The following ARHGEF17 variants were observed in gnomAD, a reference collection of about 807,000 sequenced individuals.
ARHGEF17 encodes the protein Rho guanine nucleotide exchange factor 17.
A neutral mutation model predicts 174.0 loss-of-function variants in ARHGEF17; 80 were observed. That is an observed-to-expected ratio of 0.46 (90% CI 0.38 to 0.55). ARHGEF17 has a LOEUF of 0.55. ARHGEF17 is among the 20% of genes least tolerant of loss of function. The probability of loss-of-function intolerance (pLI) is 0.00; values close to 1 mark genes in which losing one functional copy is unlikely to be tolerated. For synonymous variants in ARHGEF17, 1,311 were observed against 1,189.1 expected, an observed-to-expected ratio of 1.10 and a Z score of -2.11; for missense variants, 2,886 against 2,839.7, an observed-to-expected ratio of 1.02 and a Z score of -0.37.
chr11:73,357,035 G>T lies in ARHGEF17; in HGVS notation c.3902G>T (p.Gly1301Val), dbSNP rs754131174. The change falls in exon 8 of 21, where the codon GGT becomes GTT. Residue 1301 changes from glycine (G) to valine (V), a missense_variant. Around this residue, in one of 4 missense-constraint regions of ARHGEF17, gnomAD observed 353 missense variants for 470.3 expected, o/e 0.75. Coordinates refer to ENST00000263674, the MANE Select transcript of ARHGEF17 (RefSeq NM_014786.4). ...QEMVIEVKAI[G>V]GKKDRSLFLF... Reference sequence around the variant, plus strand: ...CCTTGGGCTCCACAGAAGGCGATCGGTGGCAAGAAGGACCGGTCTCTCTTC... The same window carrying T: ...CCTTGGGCTCCACAGAAGGCGATCGTTGGCAAGAAGGACCGGTCTCTCTTC... 1.4e-5 allele frequency: 23 copies of T among 1,614,170 alleles called. No individual in the cohort carries two copies. In the South Asian group the frequency reaches 2.4e-4, roughly 17 times the overall value.
chr11:73,309,485 G>A lies in ARHGEF17; in HGVS notation c.847G>A (p.Gly283Ser), dbSNP rs1864767194. 6.5e-7 allele frequency: 1 copy of A among 1,547,154 alleles called. No individual in the cohort carries two copies. The highest frequency in any genetic ancestry group is 1.4e-5 in the African/African-American group (1 of 72,676). ...HSSGSDDDRD[G>S]EGGHRWGGRP... ...CTCGGGCAGTGACGACGACCGAGAC[G>A]GTGAGGGCGGCCACCGCTGGGGAGG... The change falls in exon 1 of 21, where the codon GGT becomes AGT. Residue 283 changes from glycine (G) to serine (S), a missense_variant. Gly to Ser is a moderately conservative substitution (Grantham distance 56). This residue lies in a region of ARHGEF17 where 1,728 missense variants were observed against 1,461.2 expected (regional missense o/e 1.18). Transcript: ENST00000263674.
chr11:73,347,033 A>C, intron 2 of ARHGEF17, 73 bp downstream of exon 2: 2 of 1,418,256 alleles, frequency 1.4e-6, no homozygotes, highest in Non-Finnish European at 2.0e-6. Flanking sequence ...GTGTGAGCAA[A>C]CCCCTTTCAT....
chr11:73,351,655 C>T (rs1257616561), intron 2 of ARHGEF17, among the ~76,000 whole-genome samples: 1 of 152,086 alleles, frequency 6.6e-6, no homozygotes, highest in Admixed American at 6.6e-5. Flanking sequence ...GATCTCGGCT[C>T]ACTGCCACCT....
chr11:73,319,768 G>A (rs866785673), intron 1 of ARHGEF17, among the ~76,000 whole-genome samples: 4 of 152,192 alleles, frequency 2.6e-5, no homozygotes, highest in Non-Finnish European at 5.9e-5. Flanking sequence ...ATCCCTCCTT[G>A]CCAGGAGCTT....
At chr11:73,318,369 G>A (rs1864962930) in intron 1 of ARHGEF17, among the ~76,000 whole-genome samples, 1 of 152,204 alleles carries the variant, frequency 6.6e-6, no homozygotes, top group African/African-American at 2.4e-5. Flanking sequence ...GGGCGTGGTG[G>A]CTCACCCCTG....
chr11:73,330,599 C>T (rs550459640), intron 1 of ARHGEF17, among the ~76,000 whole-genome samples: 7 of 152,214 alleles, frequency 4.6e-5, no homozygotes, highest in Non-Finnish European at 8.8e-5. Flanking sequence ...GAGGGATGAA[C>T]AGAAGGGCCT....
In ARHGEF17 at chr11:73,362,257, GGGTGGGC is replaced by G. The variant is rs759088616; in HGVS notation, c.4694+21_4694+27del. The G allele has an allele frequency of 1.7e-5, 26 of 1,500,762 alleles. No individual in the cohort carries two copies. Among genetic ancestry groups the G allele is most frequent in the Non-Finnish European group, 2.2e-5 (25 of 1,130,756 alleles). 93.0% of individuals were successfully genotyped at this position (1,500,762 alleles called of 1,614,324 possible). A position where few individuals can be genotyped will look rare whatever the true frequency, so the allele number is the denominator to read the frequency against. On this transcript the variant is annotated intron_variant, in intron 13 of 20. Transcript: ENST00000263674. ...TGCCACCGGTGAGGCCTGGGCGGCG[GGGTGGGC>G]GGCACCGCGGGCCTGGGAGAACCAA...
chr11:73,327,013 G>C (rs1263668348), intron 1 of ARHGEF17, among the ~76,000 whole-genome samples: 1 of 152,236 alleles, frequency 6.6e-6, no homozygotes, highest in Non-Finnish European at 1.5e-5. Flanking sequence ...AACCAGCCAG[G>C]CTCCCTGGGC....
At chr11:73,330,208 G>T (rs1865183735) in intron 1 of ARHGEF17, among the ~76,000 whole-genome samples, 1 of 152,046 alleles carries the variant, frequency 6.6e-6, no homozygotes, top group Non-Finnish European at 1.5e-5. Flanking sequence ...TTTTTTTCCT[G>T]ATTTGTCACT....
chr11:73,362,198 C>G lies in ARHGEF17; in HGVS notation c.4653C>G (p.Leu1551=), dbSNP rs1474755750. Reference sequence around the variant, plus strand: ...TCGCCGTCTGTTCCGCCCGCATCCTCTGCATCGGGGCGGTGCCCGGGCTGC... The same window carrying G: ...TCGCCGTCTGTTCCGCCCGCATCCTGTGCATCGGGGCGGTGCCCGGGCTGC... ...ACIAVCSARI[L]CIGAVPGLQP... The change falls in exon 13 of 21, where the codon CTC becomes CTG. Residue 1551 remains leucine (L), a synonymous_variant. Coordinates refer to ENST00000263674, the MANE Select transcript of ARHGEF17 (RefSeq NM_014786.4). 3 of 1,569,044 alleles carry G rather than the reference C, an allele frequency of 1.9e-6. No homozygotes were observed. The highest frequency in any genetic ancestry group is 2.6e-6 in the Non-Finnish European group (3 of 1,161,768).
At chr11:73,337,783 A>G (rs1865309948) in intron 1 of ARHGEF17, among the ~76,000 whole-genome samples, 1 of 152,128 alleles carries the variant, frequency 6.6e-6, no homozygotes, top group African/African-American at 2.4e-5. Flanking sequence ...CCTATGGACC[A>G]TCACCCTCAC....
intron 1 of ARHGEF17, among the ~76,000 whole-genome samples, chr11:73,318,825 G>A (rs953938671): frequency 4.6e-5 from 7 of 152,240 alleles, no homozygotes; most frequent in Non-Finnish European, 1.0e-4. Context: ...CACACATCTA[G>A]TGGTTGAAAA....
In ARHGEF17 at chr11:73,309,317, G is replaced by T; in HGVS notation, c.679G>T (p.Ala227Ser). The T allele has an allele frequency of 1.9e-6, 3 of 1,602,724 alleles. No homozygotes were observed. The highest frequency in any genetic ancestry group is 2.5e-6 in the Non-Finnish European group (3 of 1,178,650). ...TATCTTCTCCCAACCGCAGGCCGGG[G>T]CCCGGGCCTCCTGCTCCTCCTCCTC... Reference protein sequence around the residue: ...WHIFSQPQAGARASCSSSSIA... With the variant: ...WHIFSQPQAGSRASCSSSSIA... Residue 227 changes from alanine to serine, a missense_variant, in exon 1 of 21, where the codon GCC becomes TCC. By Grantham distance (99) the Ala-to-Ser change is moderately conservative. Transcript: ENST00000263674.
chr11:73,310,164 C>T lies in ARHGEF17; in HGVS notation c.1526C>T (p.Ser509Phe), dbSNP rs369478227. Reference protein sequence around the residue: ...SNPLDGRDSPSAGGPVGQLEP... With the variant: ...SNPLDGRDSPFAGGPVGQLEP... ...CCCCTAGATGGCAGAGACTCACCAT[C>T]CGCAGGTGGCCCTGTGGGGCAACTT... is the stretch of plus-strand genomic sequence containing the variant. Residue 509 changes from serine to phenylalanine, a missense_variant, in exon 1 of 21, where the codon TCC becomes TTC. Physicochemically the swap from Ser to Phe is radical, Grantham distance 155. This residue lies in a region of ARHGEF17 where 1,728 missense variants were observed against 1,461.2 expected (regional missense o/e 1.18). Coordinates refer to ENST00000263674, the MANE Select transcript of ARHGEF17 (RefSeq NM_014786.4). 6 of 1,614,020 alleles carry T rather than the reference C, an allele frequency of 3.7e-6. No homozygotes were observed. Among genetic ancestry groups the T allele is most frequent in the Non-Finnish European group, 5.1e-6 (6 of 1,180,002 alleles).
intron 20 of ARHGEF17, 63 bp from the exon 21 acceptor site, chr11:73,367,521 C>A: frequency 7.0e-7 from 1 of 1,424,324 alleles, no homozygotes; most frequent in Admixed American, 1.9e-5. Flanking sequence ...GAATTCAGGC[C>A]CCGATGGGAC....
intron 1 of ARHGEF17, among the ~76,000 whole-genome samples, chr11:73,336,975 G>A (rs1339545820): frequency 2.0e-5 from 3 of 152,232 alleles, no homozygotes; most frequent in African/African-American, 7.2e-5. Context: ...AGAGCAAGAT[G>A]GAAGCACATG....
chr11:73,336,000 A>C (rs1865281182), intron 1 of ARHGEF17, among the ~76,000 whole-genome samples: 1 of 152,222 alleles, frequency 6.6e-6, no homozygotes. Flanking sequence ...CAGGGAGCAG[A>C]CATTGAGACC....
rs200420934 is a variant in ARHGEF17 at position 73,310,165 on chromosome 11, C to T, written c.1527C>T (p.Ser509=). 32 of 1,614,010 alleles carry T rather than the reference C, an allele frequency of 2.0e-5. No homozygotes were observed. In the East Asian group the frequency reaches 6.2e-4, roughly 31 times the overall value. Residue 509 remains serine, a synonymous_variant, in exon 1 of 21, where the codon TCC becomes TCT. Transcript: ENST00000263674. ...SNPLDGRDSP[S]AGGPVGQLEP... Reference sequence around the variant, plus strand: ...CCCTAGATGGCAGAGACTCACCATCCGCAGGTGGCCCTGTGGGGCAACTTG... The same window carrying T: ...CCCTAGATGGCAGAGACTCACCATCTGCAGGTGGCCCTGTGGGGCAACTTG...
intron 1 of ARHGEF17, among the ~76,000 whole-genome samples, chr11:73,339,399 TATTA>T (rs1865334793): frequency 6.6e-6 from 1 of 152,250 alleles, no homozygotes; most frequent in African/African-American, 2.4e-5. Context: ...TCCATTAATT[TATTA>T]TTTATTCATT....
Sources: gnomAD v4.1 joint callset for allele counts (sites outside exome capture counted in the v4.1 genomes callset) on GRCh38, gnomAD v4.1.1 for gene constraint, gnomAD v4.1.1 regional missense constraint, MANE v1.5 for transcripts, NCBI Gene and HGNC (gene_info 2026-07-23, HGNC 2026-07-21) for gene names.